The following CCNG1 variants were observed in gnomAD, a reference collection of about 807,000 sequenced individuals.
The protein encoded by CCNG1 is cyclin-G1.
Under a neutral mutation model 30.0 loss-of-function variants are expected in CCNG1, and 13 were observed. The observed-to-expected ratio is 0.43, with a 90% CI of 0.28 to 0.69. The LOEUF (loss-of-function observed/expected upper bound fraction) is 0.69, where lower values mean the gene tolerates loss of function less well. CCNG1 is among the 30% of genes least tolerant of loss of function. CCNG1 has a pLI of 0.16. For synonymous variants in CCNG1, 110 were observed against 121.5 expected (o/e 0.91, Z 0.62); for missense variants, 285 against 331.4 (o/e 0.86, Z 1.09).
At chr5:163,440,953 A>G in intron 2 of CCNG1, 125 bp from the exon 3 acceptor site, 1 of 1,041,344 alleles carries the variant, frequency 9.6e-7, no homozygotes, top group East Asian at 2.5e-5. Flanking sequence ...AGTCCATCAC[A>G]GCTGAGAAAT....
At chr5:163,441,724 G>T (rs2113365100) in intron 3 of CCNG1, 162 bp from the exon 4 acceptor site, 1 of 590,700 alleles carries the variant, frequency 1.7e-6, no homozygotes, top group African/African-American at 1.9e-5. Context: ...GCCTTTAGAA[G>T]TTAGTATCTC....
intron 5 of CCNG1, 88 bp from the exon 6 acceptor site, chr5:163,442,286 C>T (rs1757855560): frequency 2.6e-6 from 3 of 1,159,830 alleles, no homozygotes; most frequent in Non-Finnish European, 2.5e-6. Context: ...AGCAAAGACA[C>T]ATGTTCATAG....
Position 163,444,594 on chromosome 5 carries a change from G to A in CCNG1, c.*924G>A, listed in dbSNP as rs1757979234. 1 of 152,586 alleles carries A rather than the reference G, an allele frequency of 6.6e-6. No individual in the cohort carries two copies. Among genetic ancestry groups the A allele is most frequent in the Non-Finnish European group, 1.5e-5 (1 of 68,018 alleles). The allele number at this position is 152,586 out of a possible 1,614,324, so 9.5% of individuals were successfully genotyped here. A position where few individuals can be genotyped will look rare whatever the true frequency, so the allele number is the denominator to read the frequency against. The stretch of plus-strand genomic sequence containing the variant: ...ATATACTTCCACTGATGCCCTTACT[G>A]TGCCAAAACAAAAATCTTAAGAAAA... On this transcript the variant is annotated 3_prime_UTR_variant, in exon 7 of 7. Transcript: ENST00000340828.
the CCNG1 span, chr5:163,451,556 A>G: frequency 6.6e-6 from 1 of 152,252 alleles, no homozygotes; most frequent in Non-Finnish European, 1.5e-5. Context: ...AATGTCAAAG[A>G]GAATAAAATT....
chr5:163,445,620 A>ATTTTTTTTTTTTT (rs56065634), downstream of CCNG1, among the ~76,000 whole-genome samples: 62 of 107,968 alleles, frequency 5.7e-4, no homozygotes, highest in Non-Finnish European at 8.1e-4. Flanking sequence ...CACCCAGCTA[A>ATTTTTTTTTTTTT]TTTTTTTTTT....
chr5:163,441,932 T>C lies in CCNG1; in HGVS notation c.565T>C (p.Cys189Arg). 1 of 1,609,902 alleles carries C rather than the reference T, an allele frequency of 6.2e-7. No individual in the cohort carries two copies. Among genetic ancestry groups the C allele is most frequent in the Admixed American group, 1.7e-5 (1 of 59,978 alleles). The change falls in exon 4 of 7, where the codon TGT (cysteine) becomes CGT (arginine). Residue 189 changes from cysteine to arginine, a missense_variant. By Grantham distance (180) the Cys-to-Arg change is radical. Coordinates refer to ENST00000340828, the MANE Select transcript of CCNG1 (RefSeq NM_004060.4). ...FERLEAQLKA[C>R]HCRIIFSKAK... Reference sequence around the variant, plus strand: ...AAGACTAGAAGCTCAACTGAAGGCATGTCATTGCAGGATCATATTTTCTAA... The same window carrying C: ...AAGACTAGAAGCTCAACTGAAGGCACGTCATTGCAGGATCATATTTTCTAA...
In CCNG1 at chr5:163,441,345, G is replaced by A. The variant is rs776766416; in HGVS notation, c.518+14G>A. 1.9e-5 allele frequency: 31 copies of A among 1,608,428 alleles called. No individual in the cohort carries two copies. The Middle Eastern group carries it at 6.6e-4, about 34-fold the overall frequency. On this transcript the variant is annotated intron_variant, in intron 3 of 6. Coordinates refer to ENST00000340828, the MANE Select transcript of CCNG1 (RefSeq NM_004060.4). Reference sequence around the variant, plus strand: ...GCCACTTGAAAGGTAAGTGACCTTTGTTTTGAACAAGAGACATTTGGAAAT... The same window carrying A: ...GCCACTTGAAAGGTAAGTGACCTTTATTTTGAACAAGAGACATTTGGAAAT...
At position 163,442,364 on chromosome 5, in the gene CCNG1, G is replaced by A. The variant is rs746023376; in HGVS notation, c.697-10G>A. On this transcript the variant is annotated splice_polypyrimidine_tract_variant and intron_variant, in intron 5 of 6. Coordinates refer to ENST00000340828, the MANE Select transcript of CCNG1 (RefSeq NM_004060.4). ...GGAGTAATAATTTTTTAAAATTTATGTATGTACAGATAAATGGCAGAGATC... is the reference window on the plus strand; with the variant it reads ...GGAGTAATAATTTTTTAAAATTTATATATGTACAGATAAATGGCAGAGATC... 66 of 1,592,616 alleles carry A rather than the reference G, an allele frequency of 4.1e-5. No homozygotes were observed. Among genetic ancestry groups the A allele is most frequent in the Non-Finnish European group, 2.9e-5 (34 of 1,170,398 alleles).
At chr5:163,443,043 C>T (rs1375084887) in intron 6 of CCNG1, among the ~76,000 whole-genome samples, 5 of 152,208 alleles carry the variant, frequency 3.3e-5, no homozygotes, top group Admixed American at 1.3e-4. Flanking sequence ...GATGCAGTGG[C>T]TCACGCCTGT....
chr5:163,454,909 T>C, the CCNG1 span, among the ~76,000 whole-genome samples: 1 of 152,164 alleles, frequency 6.6e-6, no homozygotes, highest in East Asian at 1.9e-4. Flanking sequence ...AGACAAACCA[T>C]AAATCAACCA....
Position 163,443,447 on chromosome 5 carries a change from T to C in CCNG1, c.*4-227T>C, listed in dbSNP as rs2069364. On this transcript the variant is annotated intron_variant, in intron 6 of 6. Coordinates refer to ENST00000340828, the MANE Select transcript of CCNG1 (RefSeq NM_004060.4). ...CAGCTGGACTACTGCAAAGTAGTTA[T>C]ATGCATAAAAAATGTAAACTTGCTT... Among the ~76,000 whole-genome samples the C allele has an allele frequency of 4.6e-3, 702 of 152,342 alleles. 9 individuals are homozygous for C. The highest frequency in any genetic ancestry group is 0.015 in the African/African-American group (625 of 41,582).
Position 163,439,279 on chromosome 5 carries a change from C to A in CCNG1, c.23C>A (p.Thr8Asn). The A allele has an allele frequency of 6.2e-7, 1 of 1,613,544 alleles. No homozygotes were observed. The highest frequency in any genetic ancestry group is 8.5e-7 in the Non-Finnish European group (1 of 1,179,958). ...TAGATGATAGAGGTACTGACAACAA[C>A]TGACTCTCAGAAACTGCTACACCAG... MIEVLTT[T>N]DSQKLLHQLN... The change falls in exon 2 of 7, where the codon ACT becomes AAT. Residue 8 changes from threonine (T) to asparagine (N), a missense_variant. By Grantham distance (65) the Thr-to-Asn change is moderately conservative. Coordinates refer to ENST00000340828, the MANE Select transcript of CCNG1 (RefSeq NM_004060.4).
chr5:163,456,984 G>A, the CCNG1 span: 21 of 1,612,526 alleles, frequency 1.3e-5, no homozygotes, highest in Non-Finnish European at 1.8e-5. Context: ...TTGCACCCAA[G>A]GATCCGCTGC....
At chr5:163,439,616 T>C in intron 2 of CCNG1, 96 bp downstream of exon 2, 1 of 1,070,446 alleles carries the variant, frequency 9.3e-7, no homozygotes, top group Admixed American at 2.4e-5. Flanking sequence ...GACCTTTTTT[T>C]TTTCAGCACG....
chr5:163,447,076 A>G (rs1236049967), downstream of CCNG1: 1 of 152,220 alleles, frequency 6.6e-6, no homozygotes, highest in Non-Finnish European at 1.5e-5. Flanking sequence ...ATTGCCAAGG[A>G]TAATTAGGGA....
chr5:163,454,086 C>T, the CCNG1 span: 1 of 1,143,740 alleles, frequency 8.7e-7, no homozygotes, highest in Non-Finnish European at 1.2e-6. Context: ...TGAAATAAAA[C>T]TTATAAGGAA....
intron 3 of CCNG1, chr5:163,441,619 T>C (rs973003332): frequency 3.3e-5 from 16 of 478,628 alleles, no homozygotes; most frequent in Non-Finnish European, 5.1e-5. Flanking sequence ...TGTTGAAATA[T>C]TTATTAAAAC....
At chr5:163,456,910 T>A in the CCNG1 span, 1 of 1,565,026 alleles carries the variant, frequency 6.4e-7, no homozygotes, top group Non-Finnish European at 8.7e-7. Flanking sequence ...CACATACTCA[T>A]ACACTTCATC....
At position 163,439,366 on chromosome 5, in the gene CCNG1, T is replaced by C. The variant is rs1180252287; in HGVS notation, c.110T>C (p.Ile37Thr). Residue 37 changes from isoleucine to threonine, a missense_variant, in exon 2 of 7, where the codon ATT becomes ACT. Coordinates refer to ENST00000340828, the MANE Select transcript of CCNG1 (RefSeq NM_004060.4). The stretch of plus-strand genomic sequence containing the variant: ...CCAAAGGTCTGTGGTTTGAGACTAA[T>C]TGAGTCTGCACACGATAATGGCCTC... Reference protein sequence around the residue: ...CQPKVCGLRLIESAHDNGLRM... With the variant: ...CQPKVCGLRLTESAHDNGLRM... 5.0e-6 allele frequency: 8 copies of C among 1,614,214 alleles called. No individual in the cohort carries two copies. Among genetic ancestry groups the C allele is most frequent in the Non-Finnish European group, 6.8e-6 (8 of 1,180,028 alleles).
Sources: allele counts gnomAD v4.1 joint callset (sites outside exome capture counted in the v4.1 genomes callset), GRCh38; gene constraint gnomAD v4.1.1; transcripts MANE v1.5; gene names NCBI Gene and HGNC (gene_info 2026-07-23, HGNC 2026-07-21).